Variants in NCALD observed in about 807,000 individuals in gnomAD.
NCALD encodes neurocalcin delta.
NCALD carries 10 observed loss-of-function variants against 18.6 expected under a neutral mutation model. That is an observed-to-expected ratio of 0.54 (90% CI 0.33 to 0.91). The LOEUF (loss-of-function observed/expected upper bound fraction) is 0.91, where lower values mean the gene tolerates loss of function less well. Among genes scored for constraint, NCALD ranks in the 40% least tolerant of loss-of-function variants. The pLI, the probability that NCALD is intolerant of heterozygous loss-of-function variation, is 0.03. For missense variants in NCALD, 184 were observed against 247.6 expected (o/e 0.74, Z 1.72); for synonymous variants, 88 against 87.4 (o/e 1.01, Z -0.04).
At chr8:101,971,109 C>T (rs1820224607) in intron 2 of NCALD, among the ~76,000 whole-genome samples, 1 of 152,268 alleles carries the variant, frequency 6.6e-6, no homozygotes, top group Middle Eastern at 3.4e-3. Flanking sequence ...TGGAACCATA[C>T]CCTGGGACTT....
intron 4 of NCALD, among the ~76,000 whole-genome samples, chr8:101,801,093 G>A (rs1206276700): frequency 6.6e-6 from 1 of 150,640 alleles, no homozygotes; most frequent in East Asian, 1.9e-4. Context: ...AGGAAGGAAG[G>A]AGGAAAAAGA....
chr8:101,818,189 C>T (rs1813575993), intron 4 of NCALD, among the ~76,000 whole-genome samples: 1 of 152,160 alleles, frequency 6.6e-6, no homozygotes, highest in Admixed American at 6.5e-5. Context: ...TTATCATGCA[C>T]AGGACCTTTT....
At chr8:101,736,657 T>C (rs1021101517) in intron 1 of NCALD, among the ~76,000 whole-genome samples, 3 of 151,992 alleles carry the variant, frequency 2.0e-5, no homozygotes, top group South Asian at 2.1e-4. Flanking sequence ...TGGCTCAGAG[T>C]TCAGGGAGTA....
At chr8:101,893,572 T>C (rs1350391683) in intron 3 of NCALD, among the ~76,000 whole-genome samples, 50 of 125,522 alleles carry the variant, frequency 4.0e-4, no homozygotes, top group African/African-American at 1.7e-3. Context: ...GACTGGCAAA[T>C]TGGATAAAGA....
intron 1 of NCALD, among the ~76,000 whole-genome samples, chr8:101,724,989 T>C (rs1816510621): frequency 6.6e-6 from 1 of 152,060 alleles, no homozygotes; most frequent in Non-Finnish European, 1.5e-5. Context: ...CTACTGGGGG[T>C]GAGGCACTCC....
At chr8:101,818,591 C>T (rs1813595721) in intron 4 of NCALD, among the ~76,000 whole-genome samples, 1 of 152,186 alleles carries the variant, frequency 6.6e-6, no homozygotes, top group South Asian at 2.1e-4. Context: ...TCCTCTTCAT[C>T]TCTTTTTCAG....
intron 4 of NCALD, among the ~76,000 whole-genome samples, chr8:101,806,097 G>C (rs1003188400): frequency 6.6e-6 from 1 of 152,144 alleles, no homozygotes; most frequent in African/African-American, 2.4e-5. Context: ...GCCCAAGGCT[G>C]TGCCCTCTGA....
chr8:101,756,550 C>G (rs1470482391), intron 1 of NCALD, among the ~76,000 whole-genome samples: 2 of 152,182 alleles, frequency 1.3e-5, no homozygotes, highest in African/African-American at 4.8e-5. Flanking sequence ...AAGTCAAGGG[C>G]CATCTTTGCA....
At chr8:101,889,823 T>G (rs998450975) in intron 3 of NCALD, among the ~76,000 whole-genome samples, 5 of 152,192 alleles carry the variant, frequency 3.3e-5, no homozygotes, top group Admixed American at 1.3e-4. Context: ...AAGTGTGGAA[T>G]AACTGAGCCA....
At chr8:102,084,197 T>G (rs992811606) in intron 1 of NCALD, among the ~76,000 whole-genome samples, 1 of 152,198 alleles carries the variant, frequency 6.6e-6, no homozygotes, top group Non-Finnish European at 1.5e-5. Flanking sequence ...AACAAAACCC[T>G]AAAATTTCTT....
At chr8:101,839,894 G>T (rs1161501125) in intron 4 of NCALD, among the ~76,000 whole-genome samples, 2 of 152,074 alleles carry the variant, frequency 1.3e-5, no homozygotes, top group African/African-American at 4.8e-5. Flanking sequence ...TCACCAATTA[G>T]TTCCAGGCTC....
At chr8:101,713,320 A>C (rs1815901425) in intron 2 of NCALD, among the ~76,000 whole-genome samples, 1 of 152,234 alleles carries the variant, frequency 6.6e-6, no homozygotes, top group Admixed American at 6.5e-5. Flanking sequence ...CACAGTAGAA[A>C]GCAGAAAATA....
intron 2 of NCALD, among the ~76,000 whole-genome samples, chr8:102,009,793 A>C (rs553068122): frequency 6.6e-6 from 1 of 152,334 alleles, no homozygotes; most frequent in Non-Finnish European, 1.5e-5. Context: ...ATGCCATGGT[A>C]ACCACATGAT....
intron 2 of NCALD, among the ~76,000 whole-genome samples, chr8:101,988,199 A>G (rs551512922): frequency 5.3e-5 from 8 of 152,112 alleles, no homozygotes; most frequent in African/African-American, 1.9e-4. Flanking sequence ...AGAAAAAAAA[A>G]AGTAACTCCT....
intron 2 of NCALD, among the ~76,000 whole-genome samples, chr8:101,975,645 G>A (rs982116513): frequency 1.3e-5 from 2 of 152,162 alleles, no homozygotes; most frequent in Non-Finnish European, 2.9e-5. Flanking sequence ...GTTAGCTGCT[G>A]CAAGTGAGCA....
intron 4 of NCALD, among the ~76,000 whole-genome samples, chr8:101,860,086 T>G (rs565191159): frequency 6.6e-6 from 1 of 152,316 alleles, no homozygotes; most frequent in Non-Finnish European, 1.5e-5. Flanking sequence ...CATGGAACAT[T>G]GTCTTCAAAA....
At position 102,113,492 on chromosome 8, in the gene NCALD, C is replaced by G. The variant is rs956767689; in HGVS notation, c.-210+10745G>C. 1.8e-4 allele frequency among the ~76,000 whole-genome samples: 28 copies of G among 152,132 alleles called. 1 individual carries two copies. Among genetic ancestry groups the G allele is most frequent in the Non-Finnish European group, 4.4e-5 (3 of 68,032 alleles). On this transcript the variant is annotated intron_variant, in intron 1 of 6. Transcript: ENST00000311028. ...ATTAGAAGTGTTAAACATATTTTTG[C>G]CTATGTTTTTCAAATCTCATGTTTT...
chr8:102,011,117 C>A (rs1821889507), intron 2 of NCALD, among the ~76,000 whole-genome samples: 1 of 152,132 alleles, frequency 6.6e-6, no homozygotes, highest in Non-Finnish European at 1.5e-5. Flanking sequence ...CTCTTCATTT[C>A]TTTCTTGACC....
chr8:101,981,031 TAC>T (rs1392280802), intron 2 of NCALD, among the ~76,000 whole-genome samples: 6 of 152,254 alleles, frequency 3.9e-5, no homozygotes, highest in Admixed American at 3.9e-4. Context: ...GGAAGATAAG[TAC>T]AGTTTTGTGG....
Sources: gnomAD v4.1 joint callset for allele counts (sites outside exome capture counted in the v4.1 genomes callset) on GRCh38, gnomAD v4.1.1 for gene constraint, MANE v1.5 for transcripts, NCBI Gene and HGNC (gene_info 2026-07-23, HGNC 2026-07-21) for gene names.